Variants in TBC1D22A observed in about 807,000 individuals in gnomAD.
The protein encoded by TBC1D22A is TBC1 domain family member 22A.
TBC1D22A carries 38 observed loss-of-function variants against 60.2 expected under a neutral mutation model. The ratio of observed to expected loss-of-function variants is 0.63; its 90% CI spans 0.49 to 0.83. The LOEUF is 0.83. Among genes scored for constraint, TBC1D22A ranks in the 40% least tolerant of loss-of-function variants. The probability of loss-of-function intolerance (pLI) is 0.00; values close to 1 mark genes in which losing one functional copy is unlikely to be tolerated. For missense variants in TBC1D22A, 628 were observed against 701.0 expected (o/e 0.90, Z 1.18); for synonymous variants, 302 against 281.7 (o/e 1.07, Z -0.72).
intron 8 of TBC1D22A, among the ~76,000 whole-genome samples, chr22:46,954,494 C>T (rs2148022629): frequency 6.6e-6 from 1 of 152,300 alleles, no homozygotes; most frequent in South Asian, 2.1e-4. Flanking sequence ...GAGCATCTTG[C>T]CTCACATTTC....
intron 7 of TBC1D22A, among the ~76,000 whole-genome samples, 159 bp downstream of exon 7, chr22:46,895,005 A>T (rs1422364650): frequency 2.0e-5 from 3 of 152,256 alleles, no homozygotes; most frequent in Admixed American, 2.0e-4. Context: ...AGTTGCTGAC[A>T]GGACTTCTAT....
intron 10 of TBC1D22A, among the ~76,000 whole-genome samples, chr22:46,999,533 C>G (rs116332228): frequency 6.2e-4 from 94 of 152,276 alleles, no homozygotes; most frequent in African/African-American, 2.3e-3. Flanking sequence ...TTTGAGCTCT[C>G]AGACTGGTGG....
intron 4 of TBC1D22A, among the ~76,000 whole-genome samples, chr22:46,873,758 C>T (rs551635511): frequency 6.6e-6 from 1 of 152,006 alleles, no homozygotes; most frequent in East Asian, 1.9e-4. Context: ...CCTCCAGCTC[C>T]ATCCATGTCA....
At chr22:46,876,474 C>A (rs1454637992) in intron 4 of TBC1D22A, among the ~76,000 whole-genome samples, 2 of 152,214 alleles carry the variant, frequency 1.3e-5, no homozygotes, top group Non-Finnish European at 2.9e-5. Context: ...TCTTGCTTAT[C>A]TCAGAACTCT....
intron 4 of TBC1D22A, among the ~76,000 whole-genome samples, chr22:46,801,051 A>C (rs1267025617): frequency 6.6e-6 from 1 of 152,264 alleles, no homozygotes; most frequent in Non-Finnish European, 1.5e-5. Context: ...ACTTGTAGGA[A>C]GATGGGAGTA....
intron 12 of TBC1D22A, among the ~76,000 whole-genome samples, chr22:47,166,508 C>T (rs981321641): frequency 9.2e-5 from 14 of 152,238 alleles, no homozygotes; most frequent in South Asian, 4.1e-4. Flanking sequence ...TGCACAGACC[C>T]GCCCTGTTTC....
chr22:46,917,325 A>C (rs1475594931), intron 8 of TBC1D22A, among the ~76,000 whole-genome samples: 1 of 152,206 alleles, frequency 6.6e-6, no homozygotes, highest in Non-Finnish European at 1.5e-5. Flanking sequence ...TGAGGGGTAC[A>C]GGAGCAGGCC....
chr22:46,904,891 C>T (rs1298347489), intron 7 of TBC1D22A, among the ~76,000 whole-genome samples: 1 of 152,022 alleles, frequency 6.6e-6, no homozygotes, highest in East Asian at 1.9e-4. Flanking sequence ...TCTTCTGCCT[C>T]AGCCTCCTGT....
chr22:46,964,416 A>C (rs1166493900), intron 8 of TBC1D22A, among the ~76,000 whole-genome samples: 3 of 152,160 alleles, frequency 2.0e-5, no homozygotes, highest in Non-Finnish European at 4.4e-5. Flanking sequence ...GAGAAGCTGG[A>C]AGGGAAGGAC....
At chr22:47,149,558 G>C (rs2067422587) in intron 12 of TBC1D22A, among the ~76,000 whole-genome samples, 1 of 152,258 alleles carries the variant, frequency 6.6e-6, no homozygotes, top group African/African-American at 2.4e-5. Context: ...CCCCGCCCAG[G>C]TGGGCAGCTT....
chr22:46,854,015 C>T (rs1312845126), intron 4 of TBC1D22A, among the ~76,000 whole-genome samples: 1 of 152,210 alleles, frequency 6.6e-6, no homozygotes, highest in Non-Finnish European at 1.5e-5. Context: ...CCCGCTGTCT[C>T]CGAGTGTCCC....
At chr22:46,860,628 T>G (rs1282168318) in intron 4 of TBC1D22A, among the ~76,000 whole-genome samples, 1 of 151,760 alleles carries the variant, frequency 6.6e-6, no homozygotes, top group Non-Finnish European at 1.5e-5. Flanking sequence ...GTCCGCGCAG[T>G]GCTGTGCCCC....
Position 46,974,288 on chromosome 22 carries a change from A to G in TBC1D22A, c.1016-2A>G. ...GTCTTTTGCATGCTCGGCGCCGCCC[A>G]GAGGCAGAGGAGGTGGACACGGTGG... On this transcript the variant is annotated splice_acceptor_variant, in intron 8 of 12. Transcript: ENST00000337137. LOFTEE classifies it high-confidence loss of function. 6.3e-7 allele frequency: 1 copy of G among 1,590,832 alleles called. No individual in the cohort carries two copies.
intron 9 of TBC1D22A, among the ~76,000 whole-genome samples, chr22:46,989,141 T>C (rs192125552): frequency 3.9e-5 from 6 of 152,348 alleles, no homozygotes; most frequent in East Asian, 1.9e-4. Context: ...TCAGCCTTCA[T>C]AGAATTAAAG....
chr22:47,029,075 C>T (rs898762115), intron 10 of TBC1D22A, among the ~76,000 whole-genome samples: 2 of 152,194 alleles, frequency 1.3e-5, no homozygotes, highest in African/African-American at 2.4e-5. Context: ...TCAAGAAAGC[C>T]AGTGATTATG....
intron 11 of TBC1D22A, among the ~76,000 whole-genome samples, chr22:47,081,974 G>T (rs1376886513): frequency 6.6e-6 from 1 of 152,040 alleles, no homozygotes; most frequent in Non-Finnish European, 1.5e-5. Flanking sequence ...CCTGGCCAAG[G>T]TGGTGAAACC....
At chr22:46,814,065 C>A (rs2085491427) in intron 4 of TBC1D22A, among the ~76,000 whole-genome samples, 1 of 152,196 alleles carries the variant, frequency 6.6e-6, no homozygotes, top group African/African-American at 2.4e-5. Flanking sequence ...GCCTCTTCAC[C>A]CACAGGCTGG....
intron 10 of TBC1D22A, among the ~76,000 whole-genome samples, chr22:47,014,602 A>C (rs562127428): frequency 1.5e-4 from 23 of 152,212 alleles, no homozygotes; most frequent in African/African-American, 5.5e-4. Context: ...CTTACTTCTC[A>C]CGGCAGCTTG....
At chr22:47,120,452 CA>C (rs1374411523) in intron 12 of TBC1D22A, among the ~76,000 whole-genome samples, 1 of 152,228 alleles carries the variant, frequency 6.6e-6, no homozygotes, top group Non-Finnish European at 1.5e-5. Context: ...TGGATATTAA[CA>C]AAATGCTTTT....
Sources: allele counts gnomAD v4.1 joint callset (sites outside exome capture counted in the v4.1 genomes callset), GRCh38; gene constraint gnomAD v4.1.1; transcripts MANE v1.5; gene names NCBI Gene and HGNC (gene_info 2026-07-23, HGNC 2026-07-21).